PARD3: variants seen among roughly 807,000 people sequenced by gnomAD.
The protein encoded by PARD3 is partitioning defective 3 homolog.
A neutral mutation model predicts 155.4 loss-of-function variants in PARD3; 75 were observed. That is an observed-to-expected ratio of 0.48 (90% confidence interval 0.40 to 0.58). The LOEUF is 0.58. Ranked by LOEUF, PARD3 falls within the 20% of genes least tolerant of loss-of-function variation. PARD3 has a pLI of 0.00. For synonymous variants in PARD3, 576 were observed against 610.5 expected, an observed-to-expected ratio of 0.94 and a Z score of 0.83; for missense variants, 1,642 against 1,721.7, an observed-to-expected ratio of 0.95 and a Z score of 0.82.
intron 22 of PARD3, among the ~76,000 whole-genome samples, chr10:34,210,652 A>G (rs1951701519): frequency 1.3e-5 from 2 of 152,174 alleles, no homozygotes; most frequent in Non-Finnish European, 2.9e-5. Flanking sequence ...CAGACTATTC[A>G]ACAAGAGTGA....
chr10:34,773,616 G>C (rs191533919), intron 1 of PARD3, among the ~76,000 whole-genome samples: 27 of 152,314 alleles, frequency 1.8e-4, no homozygotes, highest in African/African-American at 5.8e-4. Flanking sequence ...TGACTTTGCA[G>C]CGTCAGGTAT....
chr10:34,182,212 C>T (rs1950300164), intron 22 of PARD3, among the ~76,000 whole-genome samples: 1 of 152,212 alleles, frequency 6.6e-6, no homozygotes, highest in African/African-American at 2.4e-5. Flanking sequence ...CAGGCCATGC[C>T]TACCTTGCTG....
At chr10:34,499,549 T>TAA (rs200204456) in intron 3 of PARD3, among the ~76,000 whole-genome samples, 108 of 144,044 alleles carry the variant, frequency 7.5e-4, no homozygotes, top group African/African-American at 2.4e-3. Context: ...TTCCTCAGTG[T>TAA]AAAAAAAAAA....
At chr10:34,648,204 A>T (rs568542147) in intron 2 of PARD3, among the ~76,000 whole-genome samples, 9 of 152,248 alleles carry the variant, frequency 5.9e-5, no homozygotes, top group Admixed American at 2.0e-4. Context: ...AGCCCAGTTG[A>T]ACTGCAGAGC....
intron 22 of PARD3, among the ~76,000 whole-genome samples, chr10:34,179,577 A>G (rs1207839896): frequency 6.6e-6 from 1 of 152,268 alleles, no homozygotes; most frequent in Non-Finnish European, 1.5e-5. Flanking sequence ...TTCGCTAAAA[A>G]GAAACTCAGA....
intron 24 of PARD3, among the ~76,000 whole-genome samples, chr10:34,114,026 G>GT (rs1325906459): frequency 6.6e-6 from 1 of 152,294 alleles, no homozygotes; most frequent in Non-Finnish European, 1.5e-5. Flanking sequence ...GGAGGATGAG[G>GT]TGGGAGGACT....
At chr10:34,386,131 TATA>T (rs748785645) in intron 7 of PARD3, among the ~76,000 whole-genome samples, 2 of 152,292 alleles carry the variant, frequency 1.3e-5, no homozygotes, top group East Asian at 1.9e-4. Flanking sequence ...TATTAATAAA[TATA>T]ATAAGGTGGC....
intron 3 of PARD3, among the ~76,000 whole-genome samples, chr10:34,504,136 T>G (rs1310012606): frequency 6.7e-6 from 1 of 149,184 alleles, no homozygotes; most frequent in Admixed American, 6.7e-5. Context: ...GCCCCCAGAT[T>G]TTTTTTTTTA....
chr10:34,331,280 C>A lies in PARD3; in HGVS notation c.2670G>T (p.Leu890=). The change falls in exon 19 of 25, where the codon CTG becomes CTT. Residue 890 remains leucine, a synonymous_variant. Coordinates refer to ENST00000374788, the MANE Select transcript of PARD3 (RefSeq NM_001184785.2). ...AAGTCACCTCGGCAACTGCGGTCTG[C>A]AGACTCTCCAACGAGCTTGACTTCT... ...GLKKSSSLES[L]QTAVAEVTLN... is the part of the protein sequence containing the mutation. The A allele has an allele frequency of 6.2e-7, 1 of 1,613,972 alleles. No homozygotes were observed. The highest frequency in any genetic ancestry group is 8.5e-7 in the Non-Finnish European group (1 of 1,179,934).
In PARD3 at chr10:34,722,504, G is replaced by A. The variant is rs529539555; in HGVS notation, c.121-26085C>T. 6.6e-5 allele frequency among the ~76,000 whole-genome samples: 10 copies of A among 152,260 alleles called. No homozygotes were observed. The East Asian group carries it at 1.7e-3, about 26-fold the overall frequency. ...TTGAGAAATGAGGACTGAAGAACCA[G>A]CCTGGCCACTTAATCTCCTGTGACA... is the stretch of plus-strand genomic sequence containing the variant. On this transcript the variant is annotated intron_variant, in intron 1 of 24. Transcript: ENST00000374788.
intron 12 of PARD3, among the ~76,000 whole-genome samples, chr10:34,364,295 G>T (rs746405384): frequency 6.6e-6 from 1 of 152,096 alleles, no homozygotes; most frequent in Non-Finnish European, 1.5e-5. Context: ...AATGATAGAA[G>T]ACCATAAAAT....
intron 2 of PARD3, among the ~76,000 whole-genome samples, chr10:34,666,934 C>T (rs935098375): frequency 6.6e-6 from 1 of 151,624 alleles, no homozygotes; most frequent in Non-Finnish European, 1.5e-5. Flanking sequence ...TTTGGGAGAC[C>T]AGGGCGGGTG....
intron 2 of PARD3, among the ~76,000 whole-genome samples, chr10:34,684,064 G>T (rs900602036): frequency 6.6e-6 from 1 of 152,094 alleles, no homozygotes; most frequent in Admixed American, 6.6e-5. Flanking sequence ...TCATTTCCAG[G>T]TTATCAAAAT....
rs762921297 is a variant in PARD3, at chr10:34,336,232, T to A, written c.2572A>T (p.Thr858Ser). Reference protein sequence around the residue: ...KSMDLGIADETKLNTVDDQKA... With the variant: ...KSMDLGIADESKLNTVDDQKA... ...TGGTCATCCACTGTATTGAGTTTAG[T>A]CTCGTCAGCTACTGTTAAAAGGTAA... Residue 858 changes from threonine (T) to serine (S), a missense_variant, in exon 18 of 25, where the codon ACT (threonine) becomes TCT (serine). This residue lies in a region of PARD3 where 1,529 missense variants were observed against 1,587.3 expected (regional missense o/e 0.96). Transcript: ENST00000374788. The A allele has an allele frequency of 1.0e-4, 162 of 1,612,222 alleles. 1 individual carries two copies. In the East Asian group the frequency reaches 3.4e-3, roughly 34 times the overall value.
intron 12 of PARD3, among the ~76,000 whole-genome samples, chr10:34,367,054 A>G (rs1171166472): frequency 6.6e-6 from 1 of 152,194 alleles, no homozygotes; most frequent in African/African-American, 2.4e-5. Flanking sequence ...AATGTTTTGC[A>G]CAATTATTAA....
intron 2 of PARD3, among the ~76,000 whole-genome samples, chr10:34,526,943 T>G (rs1308424189): frequency 1.3e-5 from 2 of 152,198 alleles, no homozygotes; most frequent in Non-Finnish European, 2.9e-5. Flanking sequence ...GTTGAACTTG[T>G]AAAAAATGAC....
intron 2 of PARD3, among the ~76,000 whole-genome samples, chr10:34,681,758 ATATATATATATTTTTTTTTT>A (rs1180023338): frequency 1.0e-4 from 2 of 20,094 alleles, no homozygotes; most frequent in African/African-American, 2.7e-4. Context: ...ATATATATAT[ATATATATATATTTTTTTTTT>A]TTTTTTTTTT....
chr10:34,357,892 A>G (rs1440825337), intron 14 of PARD3, among the ~76,000 whole-genome samples: 1 of 152,118 alleles, frequency 6.6e-6, no homozygotes, highest in Non-Finnish European at 1.5e-5. Flanking sequence ...TCGAGAGTAT[A>G]TTTTCTCTGT....
At chr10:34,584,941 CT>C (rs564202732) in intron 2 of PARD3, among the ~76,000 whole-genome samples, 5 of 151,944 alleles carry the variant, frequency 3.3e-5, no homozygotes, top group Admixed American at 1.3e-4. Context: ...TTTGCAAAGA[CT>C]TTTTTTTCAT....
Sources: gnomAD v4.1 joint callset for allele counts (sites outside exome capture counted in the v4.1 genomes callset) on GRCh38, gnomAD v4.1.1 for gene constraint, gnomAD v4.1.1 regional missense constraint, MANE v1.5 for transcripts, NCBI Gene and HGNC (gene_info 2026-07-23, HGNC 2026-07-21) for gene names.